The following TP63 variants were observed in gnomAD, a reference collection of about 807,000 sequenced individuals.
The protein encoded by TP63 is tumor protein 63.
TP63 carries 17 observed loss-of-function variants against 82.8 expected under a neutral mutation model. The ratio of observed to expected loss-of-function variants is 0.21; its 90% CI spans 0.14 to 0.31. The LOEUF (loss-of-function observed/expected upper bound fraction) is 0.31. Ranked by LOEUF, TP63 falls within the 10% of genes least tolerant of loss-of-function variation. The pLI is 1.00. For missense variants in TP63, 648 were observed against 895.3 expected (o/e 0.72, Z 3.52); for synonymous variants, 330 against 321.7 (o/e 1.03, Z -0.28).
chr3:189,874,798 A>C (rs1718843962), intron 10 of TP63, among the ~76,000 whole-genome samples: 1 of 152,178 alleles, frequency 6.6e-6, no homozygotes, highest in Non-Finnish European at 1.5e-5. Flanking sequence ...GAGACCTGTA[A>C]CATCATTTAT....
chr3:189,613,764 G>A, the TP63 span, among the ~76,000 whole-genome samples: 1 of 152,172 alleles, frequency 6.6e-6, no homozygotes, highest in African/African-American at 2.4e-5. Context: ...TATCAGTGTG[G>A]CCTGGATGTA....
In TP63 at chr3:189,810,314, G is replaced by A. The variant is rs547954079; in HGVS notation, c.579+1788G>A. On this transcript the variant is annotated intron_variant, in intron 4 of 13. Transcript: ENST00000264731. ...TAAATGGAGCACTGATATCTCTTAG[G>A]TCACCAACCGGACATTTACAGTCAC... is the stretch of plus-strand genomic sequence containing the variant. Among the ~76,000 whole-genome samples, 200 of 152,194 alleles carry A rather than the reference G, an allele frequency of 1.3e-3. 2 individuals carry two copies. The highest frequency in any genetic ancestry group is 2.9e-3 in the South Asian group (14 of 4,826).
At position 189,728,958 on chromosome 3, in the gene TP63, G is replaced by A. The variant is rs143647590; in HGVS notation, c.63-8782G>A. Among the ~76,000 whole-genome samples the A allele has an allele frequency of 4.7e-3, 716 of 152,250 alleles. 5 individuals carry two copies. The highest frequency in any genetic ancestry group is 0.016 in the African/African-American group (683 of 41,538). The stretch of plus-strand genomic sequence containing the variant: ...ATCAGCTAGCTAAACAATTTGTAAG[G>A]AGGGTTTGCTCAAAAGAATGAGAGA... On this transcript the variant is annotated intron_variant, in intron 1 of 13. Transcript: ENST00000264731.
At chr3:189,670,555 T>C (rs1714800690) in intron 1 of TP63, among the ~76,000 whole-genome samples, 3 of 151,992 alleles carry the variant, frequency 2.0e-5, no homozygotes, top group African/African-American at 7.2e-5. Flanking sequence ...AAATGACTCA[T>C]GAGTGAAAGA....
At chr3:189,690,604 A>G (rs977685087) in intron 1 of TP63, among the ~76,000 whole-genome samples, 1 of 152,212 alleles carries the variant, frequency 6.6e-6, no homozygotes, top group South Asian at 2.1e-4. Context: ...GTCCTGGGTG[A>G]TACCTGGCAG....
chr3:189,797,939 C>G (rs1195262024), intron 3 of TP63, among the ~76,000 whole-genome samples: 1 of 152,050 alleles, frequency 6.6e-6, no homozygotes, highest in Non-Finnish European at 1.5e-5. Flanking sequence ...CTCAGATTCC[C>G]CCATTCAGGA....
intron 3 of TP63, among the ~76,000 whole-genome samples, chr3:189,776,084 G>C: frequency 6.6e-6 from 1 of 152,144 alleles, no homozygotes; most frequent in Non-Finnish European, 1.5e-5. Flanking sequence ...GCAAGACCCT[G>C]TCTCTGTAAT....
chr3:189,631,652 G>C, intron 1 of TP63, 75 bp downstream of exon 1: 2 of 1,608,324 alleles, frequency 1.2e-6, no homozygotes, highest in Non-Finnish European at 1.7e-6. Flanking sequence ...TGTCAGCTGT[G>C]TACAAAGAAC....
At chr3:189,600,832 G>C in the TP63 span, among the ~76,000 whole-genome samples, 27 of 152,246 alleles carry the variant, frequency 1.8e-4, no homozygotes, top group East Asian at 5.2e-3. Context: ...TTTCCTATTA[G>C]CCTTGACTAC....
chr3:189,675,032 C>T lies in TP63; in HGVS notation c.62+43455C>T, dbSNP rs182127477. On this transcript the variant is annotated intron_variant, in intron 1 of 13. Coordinates refer to ENST00000264731, the MANE Select transcript of TP63 (RefSeq NM_003722.5). ...GTTAGCTTATAGACAACAGGAATTTCTCTCTCATAGTTCTGGAGAATGGGA... is the reference window on the plus strand; with the variant it reads ...GTTAGCTTATAGACAACAGGAATTTTTCTCTCATAGTTCTGGAGAATGGGA... Among the ~76,000 whole-genome samples, 18 of 152,250 alleles carry T rather than the reference C, an allele frequency of 1.2e-4. No individual in the cohort carries two copies. In the East Asian group the frequency reaches 3.5e-3, roughly 29 times the overall value.
chr3:189,794,552 TG>T (rs1725497521), intron 3 of TP63, among the ~76,000 whole-genome samples: 1 of 151,124 alleles, frequency 6.6e-6, no homozygotes. Flanking sequence ...GGGTGAGGAG[TG>T]AATGCTGGTA....
chr3:189,744,746 C>G (rs1165977555), intron 3 of TP63, among the ~76,000 whole-genome samples: 2 of 152,206 alleles, frequency 1.3e-5, no homozygotes, highest in Non-Finnish European at 2.9e-5. Flanking sequence ...CAAGAACCTG[C>G]CTACCCACCT....
chr3:189,627,082 A>G (rs1729335901), upstream of TP63, among the ~76,000 whole-genome samples: 1 of 152,122 alleles, frequency 6.6e-6, no homozygotes, highest in Non-Finnish European at 1.5e-5. Flanking sequence ...GTCTGGGAGT[A>G]AGTTAGTACC....
At chr3:189,773,567 C>A (rs1723534328) in intron 3 of TP63, among the ~76,000 whole-genome samples, 1 of 152,142 alleles carries the variant, frequency 6.6e-6, no homozygotes, top group Non-Finnish European at 1.5e-5. Context: ...AAGCTGATTC[C>A]TAGGAGAGTT....
chr3:189,631,081 G>A (rs571529248), upstream of TP63, among the ~76,000 whole-genome samples: 4 of 152,254 alleles, frequency 2.6e-5, no homozygotes, highest in Non-Finnish European at 4.4e-5. Context: ...CATCAGCTCA[G>A]TTCAGTTACA....
intron 3 of TP63, among the ~76,000 whole-genome samples, chr3:189,793,411 C>T (rs970771788): frequency 5.9e-5 from 9 of 152,160 alleles, no homozygotes; most frequent in South Asian, 2.1e-4. Flanking sequence ...TTTCATTATA[C>T]GTACATTTTC....
At chr3:189,718,871 C>CA (rs1719160371) in intron 1 of TP63, among the ~76,000 whole-genome samples, 1 of 151,464 alleles carries the variant, frequency 6.6e-6, no homozygotes. Flanking sequence ...TCTAAAAAAA[C>CA]AAAAACAAAA....
chr3:189,866,777 G>T lies in TP63; in HGVS notation c.862G>T (p.Val288Leu). 2 of 1,613,978 alleles carry T rather than the reference G, an allele frequency of 1.2e-6. No individual in the cohort carries two copies. Among genetic ancestry groups the T allele is most frequent in the Non-Finnish European group, 1.7e-6 (2 of 1,179,966 alleles). ...DPITGRQSVL[V>L]PYEPPQVGTE... ...CATCACAGGAAGACAGAGTGTGCTG[G>T]TACCTTATGAGCCACCCCAGGTAAA... The change falls in exon 6 of 14, where the codon GTA becomes TTA. Residue 288 changes from valine (V) to leucine (L), a missense_variant. Physicochemically the swap from Val to Leu is conservative, Grantham distance 32. Coordinates refer to ENST00000264731, the MANE Select transcript of TP63 (RefSeq NM_003722.5).
At position 189,886,815 on chromosome 3, in the gene TP63, C is replaced by T. The variant is rs35530903; in HGVS notation, c.1507+264C>T. 0.034 allele frequency among the ~76,000 whole-genome samples: 5,203 copies of T among 152,104 alleles called. 311 individuals are homozygous for T. Among genetic ancestry groups the T allele is most frequent in the African/African-American group, 0.12 (4,770 of 41,460 alleles). On this transcript the variant is annotated intron_variant, in intron 11 of 13. Transcript: ENST00000264731. ...TTCTGTGAAAAGAACAGTCTACTTG[C>T]TGCTATCCTGGATGGAGACTCACCA...
Sources: gnomAD v4.1 joint callset for allele counts (sites outside exome capture counted in the v4.1 genomes callset) on GRCh38, gnomAD v4.1.1 for gene constraint, MANE v1.5 for transcripts, NCBI Gene and HGNC (gene_info 2026-07-23, HGNC 2026-07-21) for gene names.